The following AP4E1 variants were observed in gnomAD, a reference collection of about 807,000 sequenced individuals.
The protein encoded by AP4E1 is adaptor related protein complex 4 subunit epsilon 1, also known as AP-4 complex subunit epsilon-1.
AP4E1 carries 56 observed loss-of-function variants against 128.2 expected under a neutral mutation model. The observed-to-expected ratio is 0.44, with a 90% CI of 0.35 to 0.55. The LOEUF is 0.55. AP4E1 is among the 20% of genes least tolerant of loss of function. AP4E1 has a pLI of 0.00. For missense variants in AP4E1, 1,324 were observed against 1,307.7 expected (o/e 1.01, Z -0.19); for synonymous variants, 484 against 473.1 (o/e 1.02, Z -0.30).
intron 13 of AP4E1, among the ~76,000 whole-genome samples, chr15:50,953,996 C>G (rs760369465): frequency 2.4e-4 from 36 of 152,280 alleles, no homozygotes; most frequent in Non-Finnish European, 4.0e-4. Context: ...GGGTTCAGTA[C>G]TATTTTCGGA....
intron 11 of AP4E1, among the ~76,000 whole-genome samples, chr15:50,948,499 G>A (rs2064096434): frequency 1.3e-5 from 2 of 152,018 alleles, no homozygotes; most frequent in African/African-American, 4.8e-5. Flanking sequence ...GCTTTTTGGG[G>A]AAAGTGGAGG....
chr15:50,941,476 T>C lies in AP4E1; in HGVS notation c.978T>C (p.Ser326=), dbSNP rs2063986879. Residue 326 remains serine, a synonymous_variant, in exon 9 of 21, where the codon TCT becomes TCC. Transcript: ENST00000261842. ...TTGAATGTGTGCATACAGTCTATTC[T>C]ATTTATCCTAAATCGGAATTACTTG... is the stretch of plus-strand genomic sequence containing the variant. ...ILFECVHTVY[S]IYPKSELLEK... The C allele has an allele frequency of 6.2e-7, 1 of 1,613,098 alleles. No homozygotes were observed. The highest frequency in any genetic ancestry group is 8.5e-7 in the Non-Finnish European group (1 of 1,179,480).
At chr15:50,944,925 G>GTCTC in intron 10 of AP4E1, 1 of 801,154 alleles carries the variant, frequency 1.2e-6, no homozygotes, top group East Asian at 2.4e-5. Flanking sequence ...GGCGTGTGAT[G>GTCTC]GAGAGGTTAG....
chr15:50,987,851 T>G (rs2064749894), intron 16 of AP4E1, among the ~76,000 whole-genome samples: 1 of 152,158 alleles, frequency 6.6e-6, no homozygotes, highest in South Asian at 2.1e-4. Flanking sequence ...TTATTGCTCT[T>G]AAGGTATTTA....
Position 50,941,475 on chromosome 15 carries a change from C to T in AP4E1, c.977C>T (p.Ser326Phe), listed in dbSNP as rs372479885. The T allele has an allele frequency of 6.8e-6, 11 of 1,612,734 alleles. No homozygotes were observed. The African/African-American group carries it at 1.5e-4, about 22-fold the overall frequency. ...TTTGAATGTGTGCATACAGTCTATT[C>T]TATTTATCCTAAATCGGAATTACTT... The part of the protein sequence containing the change: ...ILFECVHTVY[S>F]IYPKSELLEK... The change falls in exon 9 of 21, where the codon TCT becomes TTT. Residue 326 changes from serine to phenylalanine, a missense_variant. Coordinates refer to ENST00000261842, the MANE Select transcript of AP4E1 (RefSeq NM_007347.5).
chr15:50,963,598 G>T (rs989873392), intron 14 of AP4E1, among the ~76,000 whole-genome samples: 33 of 152,222 alleles, frequency 2.2e-4, no homozygotes, highest in Non-Finnish European at 8.8e-5. Flanking sequence ...GTTGGTTAAT[G>T]GTTAGTAACA....
chr15:50,936,715 C>T (rs543855199), intron 8 of AP4E1, among the ~76,000 whole-genome samples: 1 of 152,152 alleles, frequency 6.6e-6, no homozygotes, highest in Non-Finnish European at 1.5e-5. Context: ...GTGGGCGGAT[C>T]ACAAGGTCGG....
intron 13 of AP4E1, among the ~76,000 whole-genome samples, chr15:50,956,150 AC>A (rs1208006932): frequency 4.6e-5 from 7 of 152,194 alleles, no homozygotes; most frequent in African/African-American, 1.7e-4. Flanking sequence ...AGGGATAAAT[AC>A]ATCTTCTCCA....
chr15:50,996,890 A>G (rs2064881814), intron 17 of AP4E1, among the ~76,000 whole-genome samples: 1 of 152,198 alleles, frequency 6.6e-6, no homozygotes, highest in Admixed American at 6.5e-5. Context: ...CCATGAAATC[A>G]TGATTATTAT....
intron 14 of AP4E1, among the ~76,000 whole-genome samples, chr15:50,966,190 A>AT (rs1351061952): frequency 2.6e-5 from 4 of 152,202 alleles, no homozygotes; most frequent in Non-Finnish European, 5.9e-5. Flanking sequence ...AAGTGCTGGG[A>AT]TTACAGATGT....
At chr15:50,957,333 G>T (rs1024222806) in intron 13 of AP4E1, among the ~76,000 whole-genome samples, 1 of 152,092 alleles carries the variant, frequency 6.6e-6, no homozygotes. Context: ...TTGAAGTTAC[G>T]CTGTCAAGCT....
intron 8 of AP4E1, among the ~76,000 whole-genome samples, chr15:50,938,983 A>G (rs1243137409): frequency 6.6e-6 from 1 of 152,238 alleles, no homozygotes; most frequent in African/African-American, 2.4e-5. Context: ...AGGTGTCAGA[A>G]GAACTTCACA....
intron 13 of AP4E1, among the ~76,000 whole-genome samples, chr15:50,956,036 T>G (rs1460793105): frequency 6.6e-6 from 1 of 152,194 alleles, no homozygotes; most frequent in Admixed American, 6.5e-5. Context: ...ATTTCCAGGT[T>G]CTGGCTCTCC....
Position 50,972,942 on chromosome 15 carries a change from A to G in AP4E1, c.1966+4565A>G, listed in dbSNP as rs548893663. Among the ~76,000 whole-genome samples, 187 of 152,346 alleles carry G rather than the reference A, an allele frequency of 1.2e-3. 6 individuals carry two copies. In the South Asian group the frequency reaches 0.02, roughly 16 times the overall value. ...TCTAATATTTCTCAAGTGTATTAGAATTCTTCGTTCAACAAAATATCTGAT... is the reference window on the plus strand; with the variant it reads ...TCTAATATTTCTCAAGTGTATTAGAGTTCTTCGTTCAACAAAATATCTGAT... On this transcript the variant is annotated intron_variant, in intron 15 of 20. Coordinates refer to ENST00000261842, the MANE Select transcript of AP4E1 (RefSeq NM_007347.5).
At chr15:50,940,046 G>A (rs1386850675) in intron 8 of AP4E1, among the ~76,000 whole-genome samples, 2 of 152,020 alleles carry the variant, frequency 1.3e-5, no homozygotes, top group Non-Finnish European at 2.9e-5. Context: ...TGGATTTAGT[G>A]GCATTTTAAA....
intron 14 of AP4E1, among the ~76,000 whole-genome samples, chr15:50,961,045 G>C (rs1487426395): frequency 6.6e-6 from 1 of 151,918 alleles, no homozygotes; most frequent in Non-Finnish European, 1.5e-5. Flanking sequence ...TAAATTCCTG[G>C]ACACATCTAC....
chr15:50,999,113 A>G lies in AP4E1; in HGVS notation c.2946A>G (p.Ala982=), dbSNP rs773483838. Residue 982 remains alanine, a synonymous_variant, in exon 19 of 21, where the codon GCA becomes GCG. Transcript: ENST00000261842. ...GATGCTGTTTGCCTGTAATGGAAGC[A>G]GAAAGCACCAAAAGCTTTCAATATA... The part of the protein sequence containing the change: ...QPGCCLPVME[A]ESTKSFQYSV... The G allele has an allele frequency of 4.3e-6, 7 of 1,614,062 alleles. No individual in the cohort carries two copies. In the East Asian group the frequency reaches 1.6e-4, roughly 36 times the overall value.
chr15:50,942,159 T>A (rs1457040633), intron 10 of AP4E1, among the ~76,000 whole-genome samples: 4 of 152,156 alleles, frequency 2.6e-5, no homozygotes, highest in Non-Finnish European at 5.9e-5. Context: ...TCAAGTGATC[T>A]GCCTGCCTTG....
intron 16 of AP4E1, among the ~76,000 whole-genome samples, chr15:50,985,201 G>T (rs2064703323): frequency 6.6e-6 from 1 of 152,032 alleles, no homozygotes; most frequent in Admixed American, 6.6e-5. Flanking sequence ...TGTAGATTCT[G>T]GATATTAGCC....
Sources: gnomAD v4.1 joint callset for allele counts (sites outside exome capture counted in the v4.1 genomes callset) on GRCh38, gnomAD v4.1.1 for gene constraint, MANE v1.5 for transcripts, NCBI Gene and HGNC (gene_info 2026-07-23, HGNC 2026-07-21) for gene names.